CDS2: variants seen among roughly 807,000 people sequenced by gnomAD.
The protein encoded by CDS2 is phosphatidate cytidylyltransferase 2.
A neutral mutation model predicts 59.0 loss-of-function variants in CDS2; 47 were observed. The observed-to-expected ratio is 0.80, with a 90% confidence interval of 0.63 to 1.02. The LOEUF (loss-of-function observed/expected upper bound fraction) is 1.02, where lower values mean the gene tolerates loss of function less well. Ranked by LOEUF, CDS2 falls within the 50% of genes least tolerant of loss-of-function variation. The pLI is 0.00. For synonymous variants in CDS2, 207 were observed against 206.4 expected, an observed-to-expected ratio of 1.00 and a Z score of -0.02; for missense variants, 356 against 558.9, an observed-to-expected ratio of 0.64 and a Z score of 3.66.
chr20:5,163,979 C>T (rs1247731321), intron 1 of CDS2, among the ~76,000 whole-genome samples: 9 of 151,758 alleles, frequency 5.9e-5, no homozygotes, highest in Admixed American at 1.3e-4. Context: ...TTAGTAGAGA[C>T]GGAGTTTCAC....
chr20:5,178,927 G>A lies in CDS2; in HGVS notation c.500G>A (p.Arg167Gln), dbSNP rs2091013519. The change falls in exon 5 of 13, where the codon CGG becomes CAG. Residue 167 changes from arginine to glutamine, a missense_variant. By Grantham distance (43) the Arg-to-Gln change is conservative. Transcript: ENST00000460006. ...TTGCGGATTCTCAGTAAATACCACC[G>A]GTTCATTTCCTTTACTCTCTATCTA... ...EPLRILSKYH[R>Q]FISFTLYLIG... 1.2e-6 allele frequency: 2 copies of A among 1,614,002 alleles called. No individual in the cohort carries two copies. The highest frequency in any genetic ancestry group is 1.7e-6 in the Non-Finnish European group (2 of 1,179,944).
intron 1 of CDS2, among the ~76,000 whole-genome samples, chr20:5,157,452 T>A (rs1238441498): frequency 6.6e-6 from 1 of 152,004 alleles, no homozygotes; most frequent in Non-Finnish European, 1.5e-5. Context: ...AGGAGTTGAT[T>A]GGCATAGGAG....
chr20:5,154,221 A>G (rs2090815219), intron 1 of CDS2, among the ~76,000 whole-genome samples: 2 of 152,186 alleles, frequency 1.3e-5, no homozygotes, highest in Admixed American at 1.3e-4. Context: ...CATAGCCCAT[A>G]CCTGGAAACT....
intron 1 of CDS2, among the ~76,000 whole-genome samples, chr20:5,145,587 C>T (rs143811048): frequency 3.9e-5 from 6 of 152,252 alleles, no homozygotes; most frequent in Non-Finnish European, 7.4e-5. Flanking sequence ...ACACTCTTGG[C>T]TGCATTTTCT....
intron 9 of CDS2, 33 bp from the exon 10 acceptor site, chr20:5,186,654 T>A (rs183564095): frequency 6.2e-7 from 1 of 1,611,362 alleles, no homozygotes; most frequent in Admixed American, 1.7e-5. Flanking sequence ...TGGAACTTAC[T>A]TCCTTGCCGG....
intron 1 of CDS2, among the ~76,000 whole-genome samples, chr20:5,142,995 A>G (rs913930980): frequency 2.0e-5 from 3 of 152,030 alleles, no homozygotes; most frequent in African/African-American, 7.2e-5. Flanking sequence ...GGCAAACACC[A>G]CCATGTCTGG....
chr20:5,166,317 A>C (rs1242211266), intron 1 of CDS2, among the ~76,000 whole-genome samples: 31 of 152,152 alleles, frequency 2.0e-4, no homozygotes, highest in Admixed American at 2.0e-3. Flanking sequence ...TTCTCTTGAA[A>C]ATTCGGGGAA....
rs183003811 is a variant in CDS2, at chr20:5,179,520, A to G, written c.529+564A>G. 4.6e-5 allele frequency among the ~76,000 whole-genome samples: 7 copies of G among 152,360 alleles called. No individual in the cohort carries two copies. In the East Asian group the frequency reaches 1.2e-3, roughly 25 times the overall value. ...AGCCACCATTGAGGAACAGCACAGC[A>G]TGGTCCTGTCCTGACTCTCCTGTTG... On this transcript the variant is annotated intron_variant, in intron 5 of 12. Coordinates refer to ENST00000460006, the MANE Select transcript of CDS2 (RefSeq NM_003818.4).
intron 1 of CDS2, among the ~76,000 whole-genome samples, chr20:5,138,294 G>A (rs556523160): frequency 6.6e-6 from 1 of 151,936 alleles, no homozygotes; most frequent in South Asian, 2.1e-4. Flanking sequence ...TAGGGTTCTA[G>A]TTTCACTCTT....
rs142090525 is a variant in CDS2, at chr20:5,143,768, T to TTC, written c.57+16620_57+16621insCT. ...GTTCTTTTTCTTTTTCTTCTTCTTC[T>TTC]TTTTTTTTTTTTTTGAGACAGAGTC... On this transcript the variant is annotated intron_variant, in intron 1 of 12. Coordinates refer to ENST00000460006, the MANE Select transcript of CDS2 (RefSeq NM_003818.4). Among the ~76,000 whole-genome samples, 393 of 97,782 alleles carry TTC rather than the reference T, an allele frequency of 4.0e-3. 8 individuals are homozygous for TTC. Among genetic ancestry groups the TTC allele is most frequent in the African/African-American group, 0.023 (375 of 16,292 alleles). 64.1% of individuals were successfully genotyped at this position (97,782 alleles called of 152,430 possible). A position where few individuals can be genotyped will look rare whatever the true frequency, so the allele number is the denominator to read the frequency against.
In CDS2 at chr20:5,162,153, T is replaced by C. The variant is rs189779630; in HGVS notation, c.58-11370T>C. Among the ~76,000 whole-genome samples, 21 of 152,306 alleles carry C rather than the reference T, an allele frequency of 1.4e-4. No homozygotes were observed. The East Asian group carries it at 4.0e-3, about 29-fold the overall frequency. Reference sequence around the variant, plus strand: ...GGAACCAACTGCAGTGTCCAGTACCTGGGGGAAGATAGGGAGATAAGAATT... The same window carrying C: ...GGAACCAACTGCAGTGTCCAGTACCCGGGGGAAGATAGGGAGATAAGAATT... On this transcript the variant is annotated intron_variant, in intron 1 of 12. Transcript: ENST00000460006.
chr20:5,134,560 G>A (rs1007543784), intron 1 of CDS2, among the ~76,000 whole-genome samples: 2 of 151,724 alleles, frequency 1.3e-5, no homozygotes, highest in Non-Finnish European at 2.9e-5. Context: ...CTCTCTTGTT[G>A]CCCAGGCTGG....
chr20:5,159,370 T>C (rs2090859099), intron 1 of CDS2, among the ~76,000 whole-genome samples: 1 of 133,662 alleles, frequency 7.5e-6, no homozygotes, highest in Non-Finnish European at 1.5e-5. Context: ...ATAAATTTTA[T>C]GTCAGATAAT....
chr20:5,171,274 A>G (rs17785258), intron 1 of CDS2, among the ~76,000 whole-genome samples: 3,997 of 152,286 alleles, frequency 0.026, 79 homozygotes, highest in South Asian at 0.082. Flanking sequence ...TGCCTGGGGA[A>G]CTAGCAGCCT....
At chr20:5,189,862 C>G (rs1450758703) in intron 12 of CDS2, 24 bp downstream of exon 12, 1 of 1,563,122 alleles carries the variant, frequency 6.4e-7, no homozygotes, top group African/African-American at 1.4e-5. Context: ...CCATCTGAAC[C>G]AAGTTGGTGG....
chr20:5,175,367 T>A, intron 3 of CDS2, 88 bp downstream of exon 3: 1 of 1,070,072 alleles, frequency 9.3e-7, no homozygotes, highest in Non-Finnish European at 1.4e-6. Context: ...GGGTTGGTTG[T>A]GGGAATTGAC....
At chr20:5,145,652 T>C (rs1036286824) in intron 1 of CDS2, among the ~76,000 whole-genome samples, 14 of 152,146 alleles carry the variant, frequency 9.2e-5, no homozygotes, top group African/African-American at 3.1e-4. Context: ...AGAAATTTGC[T>C]GAAATCTCAC....
chr20:5,139,547 A>C (rs1193559694), intron 1 of CDS2, among the ~76,000 whole-genome samples: 1 of 152,036 alleles, frequency 6.6e-6, no homozygotes, highest in African/African-American at 2.4e-5. Flanking sequence ...GATGCTCTTT[A>C]TTTCTTTCTC....
intron 1 of CDS2, among the ~76,000 whole-genome samples, chr20:5,145,408 A>C (rs1360797450): frequency 6.6e-6 from 1 of 152,100 alleles, no homozygotes; most frequent in Middle Eastern, 3.2e-3. Flanking sequence ...TGAGTCTGGG[A>C]ATAGAGCTTG....
Sources: gnomAD v4.1 joint callset for allele counts (sites outside exome capture counted in the v4.1 genomes callset) on GRCh38, gnomAD v4.1.1 for gene constraint, MANE v1.5 for transcripts, NCBI Gene and HGNC (gene_info 2026-07-23, HGNC 2026-07-21) for gene names.